Variants in CD81 observed in about 807,000 individuals in gnomAD.
The protein encoded by CD81 is CD81 antigen.
In CD81, 10 loss-of-function variants were observed where a neutral mutation model predicts 30.1. The observed-to-expected ratio is 0.33, with a 90% CI of 0.21 to 0.56. The LOEUF (loss-of-function observed/expected upper bound fraction) is 0.56. CD81 is among the 20% of genes least tolerant of loss of function. The pLI is 0.89. For missense variants in CD81, 263 were observed against 308.7 expected (o/e 0.85, Z 1.11); for synonymous variants, 147 against 126.4 (o/e 1.16, Z -1.10).
At chr11:2,396,568 A>G (rs1589854771) in intron 6 of CD81, 60 bp from the exon 7 acceptor site, 1 of 1,391,070 alleles carries the variant, frequency 7.2e-7, no homozygotes, top group Admixed American at 1.7e-5. Flanking sequence ...ACTGCGTGAC[A>G]ACGGGAAGCC....
At chr11:2,383,613 G>A in intron 1 of CD81, among the ~76,000 whole-genome samples, 1 of 152,214 alleles carries the variant, frequency 6.6e-6, no homozygotes, top group East Asian at 1.9e-4. Flanking sequence ...TTCCCGGTGT[G>A]TTTCCCATAT....
intron 1 of CD81, chr11:2,386,122 TGCA>T (rs1271593216): frequency 1.3e-5 from 9 of 717,320 alleles, no homozygotes; most frequent in Non-Finnish European, 2.1e-5. Flanking sequence ...GGCATGTGGC[TGCA>T]GCTTGACCTG....
intron 1 of CD81, chr11:2,386,168 C>T (rs1231837097): frequency 5.6e-6 from 4 of 717,264 alleles, no homozygotes; most frequent in Non-Finnish European, 1.0e-5. Flanking sequence ...TGGAGCATCT[C>T]TTCATGTGCT....
rs1849651452 is a variant in CD81, at chr11:2,378,981, G to C, written c.66+1366G>C. Among the ~76,000 whole-genome samples, 1 of 152,250 alleles carries C rather than the reference G, an allele frequency of 6.6e-6. No individual in the cohort carries two copies. On this transcript the variant is annotated intron_variant, in intron 1 of 7. Transcript: ENST00000263645. This position sits in a 1 kb window ranked among gnomAD's most constrained non-coding sequence, Gnocchi z 4.9. Reference sequence around the variant, plus strand: ...CATCCCACCTTCCCCAAGCCGGGCTGTTCTGCACAGCCTGCTTGGGACGCT... The same window carrying C: ...CATCCCACCTTCCCCAAGCCGGGCTCTTCTGCACAGCCTGCTTGGGACGCT...
At chr11:2,396,423 C>T (rs1024268151) in intron 6 of CD81, 3 of 624,806 alleles carry the variant, frequency 4.8e-6, no homozygotes, top group Admixed American at 2.5e-5. Flanking sequence ...AGGCATTTCG[C>T]GTTTATGTTA....
intron 3 of CD81, 138 bp downstream of exon 3, chr11:2,394,330 C>T (rs1212226686): frequency 1.1e-5 from 7 of 624,694 alleles, no homozygotes; most frequent in East Asian, 1.1e-4. Flanking sequence ...CTGCTTTTCC[C>T]GTTTGGTTTT....
intron 1 of CD81, among the ~76,000 whole-genome samples, chr11:2,382,725 A>G (rs1849725182): frequency 6.6e-6 from 1 of 152,216 alleles, no homozygotes; most frequent in Non-Finnish European, 1.5e-5. Context: ...TGCGGTGCAG[A>G]ACTAATCTCA....
intron 1 of CD81, among the ~76,000 whole-genome samples, chr11:2,382,884 GGGCTTAGAGTAGGGCTTAGA>G (rs989092984): frequency 3.3e-5 from 5 of 150,922 alleles, no homozygotes; most frequent in African/African-American, 1.2e-4. Context: ...GGTTTCCGAG[GGGCTTAGAGTAGGGCTTAGA>G]GGCTTAGAGT....
At chr11:2,389,203 C>G (rs1031420174) in intron 1 of CD81, among the ~76,000 whole-genome samples, 1 of 152,176 alleles carries the variant, frequency 6.6e-6, no homozygotes, top group Admixed American at 6.5e-5. Flanking sequence ...ACCCAGCCCC[C>G]ACCCTGTCTA....
chr11:2,392,006 A>C (rs950014041), intron 2 of CD81: 1 of 152,382 alleles, frequency 6.6e-6, no homozygotes, highest in Non-Finnish European at 1.5e-5. Context: ...CGGGGCCACC[A>C]GTCCAGCCAG....
intron 3 of CD81, among the ~76,000 whole-genome samples, chr11:2,394,419 C>T (rs953004864): frequency 6.6e-6 from 1 of 152,234 alleles, no homozygotes. Flanking sequence ...AAAATAGCCA[C>T]AAATATAACA....
chr11:2,384,225 T>G (rs1249202224), intron 1 of CD81, among the ~76,000 whole-genome samples: 1 of 151,004 alleles, frequency 6.6e-6, no homozygotes, highest in Non-Finnish European at 1.5e-5. Flanking sequence ...ACAGGTTACC[T>G]GGGCTCCATC....
rs1850023953 is a variant in CD81 at position 2,396,993 on chromosome 11, A to G, written c.*127A>G. The G allele has an allele frequency of 1.1e-6, 1 of 913,678 alleles. No individual in the cohort carries two copies. The highest frequency in any genetic ancestry group is 2.6e-5 in the East Asian group (1 of 37,990). The allele number at this position is 913,678 out of a possible 1,614,324, so 56.6% of individuals were successfully genotyped here. A position where few individuals can be genotyped will look rare whatever the true frequency, so the allele number is the denominator to read the frequency against. ...TTACTCTGCTACACGTAGCCTTTTTACTTTTGGGGTTTTGTTTTTGTTCTG... is the reference window on the plus strand; with the variant it reads ...TTACTCTGCTACACGTAGCCTTTTTGCTTTTGGGGTTTTGTTTTTGTTCTG... On this transcript the variant is annotated 3_prime_UTR_variant, in exon 8 of 8. Coordinates refer to ENST00000263645, the MANE Select transcript of CD81 (RefSeq NM_004356.4).
intron 1 of CD81, among the ~76,000 whole-genome samples, chr11:2,381,056 G>C (rs901026804): frequency 6.6e-6 from 1 of 152,240 alleles, no homozygotes; most frequent in Admixed American, 6.5e-5. Context: ...CCTGGCAGGC[G>C]CTGTGGGGGA....
chr11:2,379,029 G>C, intron 1 of CD81: 2 of 405,094 alleles, frequency 4.9e-6, no homozygotes, highest in Non-Finnish European at 5.1e-6. Flanking sequence ...TGTGGCCTTC[G>C]GCACTGCCCT....
intron 2 of CD81, chr11:2,391,690 C>CTCGGGGCCGGA: frequency 6.6e-6 from 1 of 152,136 alleles, no homozygotes; most frequent in Non-Finnish European, 1.5e-5. Context: ...CCTGGCCTCT[C>CTCGGGGCCGGA]TCGGGGCCGT....
intron 1 of CD81, chr11:2,390,176 C>A: frequency 1.6e-6 from 1 of 622,824 alleles, no homozygotes; most frequent in South Asian, 1.8e-5. Flanking sequence ...TGGAGTCACA[C>A]TCCACAGGTG....
intron 6 of CD81, chr11:2,396,371 C>T (rs565288671): frequency 3.3e-6 from 2 of 597,872 alleles, no homozygotes; most frequent in South Asian, 3.9e-5. Context: ...TCTAGTGACA[C>T]CAATGACCGT....
chr11:2,396,094 T>C (rs924672602), intron 6 of CD81, 124 bp downstream of exon 6: 1 of 533,800 alleles, frequency 1.9e-6, no homozygotes, highest in Admixed American at 2.2e-5. Context: ...GCATGGCCCC[T>C]GTCAGGGCTG....
Sources: gnomAD v4.1 joint callset for allele counts (sites outside exome capture counted in the v4.1 genomes callset) on GRCh38, gnomAD v4.1.1 for gene constraint, Gnocchi (gnomAD v3.1) non-coding constraint, MANE v1.5 for transcripts, NCBI Gene and HGNC (gene_info 2026-07-23, HGNC 2026-07-21) for gene names.